ANGPT2: variants seen among roughly 807,000 people sequenced by gnomAD.
ANGPT2 encodes the protein angiopoietin 2, also known as angiopoietin-2.
ANGPT2 carries 28 observed loss-of-function variants against 62.9 expected under a neutral mutation model. The observed-to-expected ratio is 0.44, with a 90% CI of 0.33 to 0.61. The LOEUF is 0.61. ANGPT2 is among the 20% of genes least tolerant of loss of function. The pLI is 0.03. For missense variants in ANGPT2, 727 were observed against 594.9 expected, an observed-to-expected ratio of 1.22 and a Z score of -2.31; for synonymous variants, 284 against 207.8, an observed-to-expected ratio of 1.37 and a Z score of -3.15.
At chr8:6,523,626 G>A (rs530545438) in intron 3 of ANGPT2, among the ~76,000 whole-genome samples, 1 of 152,282 alleles carries the variant, frequency 6.6e-6, no homozygotes, top group South Asian at 2.1e-4. Context: ...GTCTCGCGCT[G>A]TGGCCTGGGC....
At chr8:6,540,712 C>G (rs183149717) in intron 1 of ANGPT2, among the ~76,000 whole-genome samples, 1 of 152,364 alleles carries the variant, frequency 6.6e-6, no homozygotes, top group East Asian at 1.9e-4. Flanking sequence ...TCTCACACTG[C>G]CTTAGCTTGG....
intron 1 of ANGPT2, among the ~76,000 whole-genome samples, chr8:6,551,674 T>C (rs529679580): frequency 6.6e-6 from 1 of 152,220 alleles, no homozygotes. Context: ...AACAATTTTT[T>C]ATATTAAAGT....
Position 6,527,687 on chromosome 8 carries a change from C to A in ANGPT2, c.445-11G>T. On this transcript the variant is annotated splice_polypyrimidine_tract_variant and intron_variant, in intron 2 of 8. Transcript: ENST00000629816. ...GGTCTGATTTAATACCTAAATGTAACAAAATGAAGTTCCTATTAATTATTT... is the reference window on the plus strand; with the variant it reads ...GGTCTGATTTAATACCTAAATGTAAAAAAATGAAGTTCCTATTAATTATTT... 6.3e-7 allele frequency: 1 copy of A among 1,595,042 alleles called. No homozygotes were observed. The highest frequency in any genetic ancestry group is 8.5e-7 in the Non-Finnish European group (1 of 1,173,194).
At chr8:6,504,696 G>C (rs1199830528) in intron 8 of ANGPT2, among the ~76,000 whole-genome samples, 1 of 152,086 alleles carries the variant, frequency 6.6e-6, no homozygotes, top group Non-Finnish European at 1.5e-5. Context: ...AGGATGCTAA[G>C]ATCTATAGAA....
intron 1 of ANGPT2, among the ~76,000 whole-genome samples, chr8:6,557,502 T>A (rs1824828350): frequency 1.3e-5 from 2 of 151,938 alleles, no homozygotes; most frequent in Admixed American, 1.3e-4. Context: ...TAGGAGAAAA[T>A]TCTCATTGTT....
chr8:6,555,996 G>A (rs1824544233), intron 1 of ANGPT2, among the ~76,000 whole-genome samples: 1 of 152,150 alleles, frequency 6.6e-6, no homozygotes. Context: ...ATCGGAATCT[G>A]TCAAGTCTGC....
chr8:6,549,015 C>T lies in ANGPT2; in HGVS notation c.288+13632G>A, dbSNP rs149989885. Among the ~76,000 whole-genome samples the T allele has an allele frequency of 2.5e-3, 385 of 152,320 alleles. 3 individuals are homozygous for T. Among genetic ancestry groups the T allele is most frequent in the African/African-American group, 9.0e-3 (374 of 41,556 alleles). ...CCTCAAAAGTTGGTTCTGGGCATCA[C>T]GGAATAAACACCAAGACCACTCAGC... On this transcript the variant is annotated intron_variant, in intron 1 of 8. Transcript: ENST00000629816.
rs1274156231 is a variant in ANGPT2 at position 6,500,423 on chromosome 8, T to G, written c.*2678A>C. 6.4e-6 allele frequency: 1 copy of G among 156,778 alleles called. No individual in the cohort carries two copies. The highest frequency in any genetic ancestry group is 1.4e-5 in the Non-Finnish European group (1 of 70,748). 9.7% of individuals were successfully genotyped at this position (156,778 alleles called of 1,614,324 possible). Reference sequence around the variant, plus strand: ...TTAAGTAATAATTAAGTGGATAATTTAAAGTTTGCTTGGATACAGGATTGT... The same window carrying G: ...TTAAGTAATAATTAAGTGGATAATTGAAAGTTTGCTTGGATACAGGATTGT... On this transcript the variant is annotated 3_prime_UTR_variant, in exon 9 of 9. Transcript: ENST00000629816.
intron 7 of ANGPT2, among the ~76,000 whole-genome samples, chr8:6,512,312 C>T (rs962425463): frequency 5.9e-5 from 9 of 152,208 alleles, no homozygotes; most frequent in Non-Finnish European, 1.3e-4. Context: ...CAATCCTCCC[C>T]TGGGCAGCCT....
At chr8:6,527,862 G>A (rs1369593217) in intron 2 of ANGPT2, among the ~76,000 whole-genome samples, 186 bp from the exon 3 acceptor site, 1 of 149,390 alleles carries the variant, frequency 6.7e-6, no homozygotes, top group Non-Finnish European at 1.5e-5. Context: ...TCACATCTGA[G>A]TGTGTTAAAC....
At chr8:6,508,830 G>C (rs778443260) in intron 8 of ANGPT2, 102 bp downstream of exon 8, 1 of 1,510,034 alleles carries the variant, frequency 6.6e-7, no homozygotes, top group Admixed American at 1.7e-5. Context: ...TGAAATTGTG[G>C]ACATCGTTAC....
At chr8:6,548,170 C>T (rs1262640765) in intron 1 of ANGPT2, among the ~76,000 whole-genome samples, 1 of 152,108 alleles carries the variant, frequency 6.6e-6, no homozygotes, top group African/African-American at 2.4e-5. Context: ...TGGCCTTCTC[C>T]TGGAGTGGCT....
intron 1 of ANGPT2, among the ~76,000 whole-genome samples, chr8:6,547,026 C>G (rs1168354352): frequency 6.6e-6 from 1 of 152,130 alleles, no homozygotes; most frequent in Non-Finnish European, 1.5e-5. Context: ...AAGAAGCGTT[C>G]TCAGAGCAAC....
At chr8:6,550,776 T>G (rs2129574872) in intron 1 of ANGPT2, among the ~76,000 whole-genome samples, 1 of 152,328 alleles carries the variant, frequency 6.6e-6, no homozygotes, top group East Asian at 1.9e-4. Context: ...GAGCTGGAGT[T>G]TCTTACCCAT....
At chr8:6,559,176 T>G (rs1825118436) in intron 1 of ANGPT2, among the ~76,000 whole-genome samples, 1 of 151,664 alleles carries the variant, frequency 6.6e-6, no homozygotes, top group Non-Finnish European at 1.5e-5. Context: ...GCCCTGGGTT[T>G]TATTGTTGTT....
intron 7 of ANGPT2, 136 bp downstream of exon 7, chr8:6,513,542 C>G: frequency 1.8e-6 from 1 of 570,296 alleles, no homozygotes; most frequent in Non-Finnish European, 2.8e-6. Context: ...ACTTTGTTTG[C>G]CAGGATGGTC....
chr8:6,513,442 T>C (rs950442311), intron 7 of ANGPT2, among the ~76,000 whole-genome samples: 1 of 151,936 alleles, frequency 6.6e-6, no homozygotes, highest in South Asian at 2.1e-4. Context: ...ACGCCATTCT[T>C]CTGCCTCAGC....
chr8:6,518,356 T>C (rs77367203), intron 5 of ANGPT2, among the ~76,000 whole-genome samples: 439 of 152,316 alleles, frequency 2.9e-3, no homozygotes, highest in Middle Eastern at 6.8e-3. Flanking sequence ...CTAGAGTCTG[T>C]TCGTTGCCTT....
Position 6,562,983 on chromosome 8 carries a change from C to T in ANGPT2, c.-49G>A, listed in dbSNP as rs1397290931. On this transcript the variant is annotated 5_prime_UTR_variant, in exon 1 of 9. It adds an upstream start codon to the 5' untranslated region. Coordinates refer to ENST00000629816, the MANE Select transcript of ANGPT2 (RefSeq NM_001118887.2). ...AGCTTAGCAAACTTGAGGGCAAACA[C>T]ACGTCCAGAGTCCCGAGCTGCTGCC... 4 of 1,541,904 alleles carry T rather than the reference C, an allele frequency of 2.6e-6. No individual in the cohort carries two copies. Among genetic ancestry groups the T allele is most frequent in the Non-Finnish European group, 3.5e-6 (4 of 1,137,118 alleles).
Sources: gnomAD v4.1 joint callset for allele counts (sites outside exome capture counted in the v4.1 genomes callset) on GRCh38, gnomAD v4.1.1 for gene constraint, MANE v1.5 for transcripts, NCBI Gene and HGNC (gene_info 2026-07-23, HGNC 2026-07-21) for gene names.